The following REXO5 variants were observed in gnomAD, a reference collection of about 807,000 sequenced individuals.
The protein encoded by REXO5 is exonuclease NEF-sp.
REXO5 carries 48 observed loss-of-function variants against 88.5 expected under a neutral mutation model. The observed-to-expected ratio is 0.54, with a 90% CI of 0.43 to 0.69. The LOEUF is 0.69. Among genes scored for constraint, REXO5 ranks in the 30% least tolerant of loss-of-function variants. The pLI, the probability that REXO5 is intolerant of heterozygous loss-of-function variation, is 0.00. For missense variants in REXO5, 749 were observed against 912.2 expected (o/e 0.82, Z 2.30); for synonymous variants, 311 against 336.5 (o/e 0.92, Z 0.83).
intron 13 of REXO5, among the ~76,000 whole-genome samples, chr16:20,834,963 T>G (rs2081403137): frequency 6.6e-6 from 1 of 152,222 alleles, no homozygotes; most frequent in Non-Finnish European, 1.5e-5. Context: ...TTTCTCCTTA[T>G]TATGGACTAT....
At chr16:20,837,787 G>C (rs1017699977) in intron 13 of REXO5, among the ~76,000 whole-genome samples, 7 of 151,842 alleles carry the variant, frequency 4.6e-5, no homozygotes, top group African/African-American at 1.2e-4. Context: ...TTGTTTTTGA[G>C]ACAGGGTCTT....
chr16:20,808,314 C>G (rs905580330), intron 2 of REXO5, among the ~76,000 whole-genome samples: 1 of 152,134 alleles, frequency 6.6e-6, no homozygotes, highest in Non-Finnish European at 1.5e-5. Flanking sequence ...TCCCTTCAGT[C>G]GTTCATTGGG....
At chr16:20,847,363 G>C (rs1373750754) in intron 19 of REXO5, among the ~76,000 whole-genome samples, 5 of 151,768 alleles carry the variant, frequency 3.3e-5, no homozygotes, top group Middle Eastern at 3.2e-3. Context: ...TTGAACCCAG[G>C]GGGCAGAGGT....
At chr16:20,848,240 G>A (rs1417648872) in intron 19 of REXO5, among the ~76,000 whole-genome samples, 1 of 137,808 alleles carries the variant, frequency 7.3e-6, no homozygotes, top group Non-Finnish European at 1.5e-5. Context: ...CTTGGGAAAC[G>A]TTGGGGAAAA....
At position 20,846,325 on chromosome 16, in the gene REXO5, G is replaced by A; in HGVS notation, c.2229G>A (p.Leu743=). 1 of 1,613,528 alleles carries A rather than the reference G, an allele frequency of 6.2e-7. No homozygotes were observed. The highest frequency in any genetic ancestry group is 1.7e-4 in the Middle Eastern group (1 of 6,054). The part of the protein sequence containing the change: ...LCPGTLCLIL[L]PGTKSTHGSL... ...CGGGCACTCTCTGCCTCATCCTGCT[G>A]CCAGGAACCAAGAGGTAAGGACTAG... Residue 743 remains leucine, a synonymous_variant, in exon 19 of 20, where the codon CTG becomes CTA. Transcript: ENST00000261377.
intron 5 of REXO5, 105 bp from the exon 6 acceptor site, chr16:20,821,657 C>A: frequency 9.3e-7 from 1 of 1,073,640 alleles, no homozygotes; most frequent in Non-Finnish European, 1.3e-6. Flanking sequence ...GAGTTTTATA[C>A]ATCTTTTGAT....
At chr16:20,815,779 G>A (rs2040751) in intron 4 of REXO5, among the ~76,000 whole-genome samples, 27,389 of 152,042 alleles carry the variant, frequency 0.18, 2,690 homozygotes, top group African/African-American at 0.27. Flanking sequence ...CCTTTTTGCC[G>A]TGTGATACCA....
At chr16:20,819,184 TG>T (rs1196522430) in intron 5 of REXO5, among the ~76,000 whole-genome samples, 1 of 152,178 alleles carries the variant, frequency 6.6e-6, no homozygotes, top group Non-Finnish European at 1.5e-5. Context: ...TATGGGCATT[TG>T]GGTTGATACC....
intron 11 of REXO5, among the ~76,000 whole-genome samples, chr16:20,831,249 C>A (rs759214902): frequency 2.6e-5 from 4 of 152,066 alleles, no homozygotes; most frequent in South Asian, 2.1e-4. Flanking sequence ...AAACAAGTGG[C>A]TTTTCATATC....
rs1399669014 is a variant in REXO5, at chr16:20,819,042, T to C, written c.476-2720T>C. 2.0e-5 allele frequency among the ~76,000 whole-genome samples: 3 copies of C among 152,354 alleles called. No individual in the cohort carries two copies. The South Asian group carries it at 6.2e-4, about 32-fold the overall frequency. ...ATGGTGTTGTTTGGTTTTCTGTTTC[T>C]GCATTTGCTGAGAATAATGGCTTCC... On this transcript the variant is annotated intron_variant, in intron 5 of 19. Coordinates refer to ENST00000261377, the MANE Select transcript of REXO5 (RefSeq NM_030941.3).
intron 13 of REXO5, among the ~76,000 whole-genome samples, chr16:20,833,722 G>T (rs1057189324): frequency 6.6e-6 from 1 of 151,952 alleles, no homozygotes; most frequent in Non-Finnish European, 1.5e-5. Context: ...CTTCCTCTCT[G>T]TATGGCATTT....
chr16:20,839,790 T>G lies in REXO5; in HGVS notation c.1419T>G (p.Phe473Leu), dbSNP rs373161322. 4.3e-6 allele frequency: 7 copies of G among 1,613,868 alleles called. No homozygotes were observed. The African/African-American group carries it at 6.7e-5, about 15-fold the overall frequency. ...LEQARVEIPL[F>L]PFSIVQFSFK... Reference sequence around the variant, plus strand: ...AGGCCAGAGTGGAAATCCCCCTGTTTCCCTTCAGCATTGTTCAGTTCTCTT... The same window carrying G: ...AGGCCAGAGTGGAAATCCCCCTGTTGCCCTTCAGCATTGTTCAGTTCTCTT... Residue 473 changes from phenylalanine to leucine, a missense_variant, in exon 14 of 20, where the codon TTT becomes TTG. Transcript: ENST00000261377.
intron 13 of REXO5, among the ~76,000 whole-genome samples, chr16:20,835,884 C>T (rs2081420828): frequency 6.6e-6 from 1 of 151,880 alleles, no homozygotes; most frequent in African/African-American, 2.4e-5. Flanking sequence ...ACTGTCGCTA[C>T]AAAAAATTAG....
intron 5 of REXO5, among the ~76,000 whole-genome samples, chr16:20,819,756 CAA>C (rs34436271): frequency 4.3e-5 from 6 of 139,226 alleles, no homozygotes; most frequent in Admixed American, 7.1e-5. Flanking sequence ...ACTCCGTCTC[CAA>C]AAAAAAAAAA....
In REXO5 at chr16:20,824,516, GA is replaced by G. The variant is rs568815560; in HGVS notation, c.695del (p.Asp232AlafsTer13). The G allele has an allele frequency of 8.4e-4, 1,344 of 1,605,374 alleles. 2 individuals are homozygous for G. Among genetic ancestry groups the G allele is most frequent in the Non-Finnish European group, 1.1e-3 (1,246 of 1,172,600 alleles). On this transcript the variant is annotated frameshift_variant, in exon 7 of 20. Coordinates refer to ENST00000261377, the MANE Select transcript of REXO5 (RefSeq NM_030941.3). LOFTEE classifies it high-confidence loss of function. ...AGACAATAGTCCTCTCTTTGGACTT[GA>G]CTGTGAAATGGCACGTACTACTTTT... ...IADNSPLFGL[D>X]CEMCLTSKGR...
rs1220952297 is a variant in REXO5 at position 20,827,419 on chromosome 16, C to T, written c.1027C>T (p.Leu343Phe). The T allele has an allele frequency of 6.2e-7, 1 of 1,613,228 alleles. No individual in the cohort carries two copies. Among genetic ancestry groups the T allele is most frequent in the Non-Finnish European group, 8.5e-7 (1 of 1,179,746 alleles). Residue 343 changes from leucine to phenylalanine, a missense_variant, in exon 10 of 20, where the codon CTC (leucine) becomes TTC (phenylalanine). By Grantham distance (22) the Leu-to-Phe change is conservative. Transcript: ENST00000261377. ...YVREQGRRFK[L>F]KFLAKVILGK... ...CAGAGAGCAGGGCAGAAGATTTAAG[C>T]TCAAGTTCTTAGCCAAAGTTATTTT... is the stretch of plus-strand genomic sequence containing the variant.
Position 20,844,776 on chromosome 16 carries a change from C to T in REXO5, c.1867C>T (p.Leu623Phe). 1.2e-6 allele frequency: 2 copies of T among 1,614,212 alleles called. No individual in the cohort carries two copies. The highest frequency in any genetic ancestry group is 1.7e-6 in the Non-Finnish European group (2 of 1,180,018). ...GCTATTGCAGGAGCCCCGCCTCTTT[C>T]TTGGCCTGGAAGCTGTGATCTTGCC... The part of the protein sequence containing the change: ...EQLLQEPRLF[L>F]GLEAVILPKD... Residue 623 changes from leucine to phenylalanine, a missense_variant, in exon 17 of 20, where the codon CTT becomes TTT. Physicochemically the swap from Leu to Phe is conservative, Grantham distance 22. Coordinates refer to ENST00000261377, the MANE Select transcript of REXO5 (RefSeq NM_030941.3).
At position 20,824,534 on chromosome 16, in the gene REXO5, A is replaced by T; in HGVS notation, c.705+7A>T. ...TGGACTTGACTGTGAAATGGCACGT[A>T]CTACTTTTAATTTTTCAATTGGAGT... is the stretch of plus-strand genomic sequence containing the variant. On this transcript the variant is annotated splice_region_variant and intron_variant, in intron 7 of 19. Coordinates refer to ENST00000261377, the MANE Select transcript of REXO5 (RefSeq NM_030941.3). 6.4e-7 allele frequency: 1 copy of T among 1,570,022 alleles called. No homozygotes were observed.
At chr16:20,806,802 G>A in intron 1 of REXO5, 97 bp downstream of exon 1, 4 of 1,286,180 alleles carry the variant, frequency 3.1e-6, no homozygotes, top group Non-Finnish European at 4.2e-6. Flanking sequence ...TTTTTTAGGG[G>A]AACGGGGATA....
Sources: gnomAD v4.1 joint callset for allele counts (sites outside exome capture counted in the v4.1 genomes callset) on GRCh38, gnomAD v4.1.1 for gene constraint, MANE v1.5 for transcripts, NCBI Gene and HGNC (gene_info 2026-07-23, HGNC 2026-07-21) for gene names.